CDK14: variants seen among roughly 807,000 people sequenced by gnomAD.
The protein encoded by CDK14 is cyclin dependent kinase 14, also known as cyclin-dependent kinase 14.
CDK14 carries 34 observed loss-of-function variants against 60.7 expected under a neutral mutation model. The ratio of observed to expected loss-of-function variants is 0.56; its 90% CI spans 0.43 to 0.75. The LOEUF (loss-of-function observed/expected upper bound fraction) is 0.75, where lower values mean the gene tolerates loss of function less well. CDK14 is among the 30% of genes least tolerant of loss of function. The pLI, the probability that CDK14 is intolerant of heterozygous loss-of-function variation, is 0.00. For synonymous variants in CDK14, 197 were observed against 203.7 expected (o/e 0.97, Z 0.28); for missense variants, 482 against 564.1 (o/e 0.85, Z 1.47).
intron 1 of CDK14, 80 bp from the exon 2 acceptor site, chr7:90,604,138 G>GTT: frequency 1.0e-5 from 9 of 884,116 alleles, no homozygotes; most frequent in East Asian, 6.0e-5. Context: ...ATACTGCCTT[G>GTT]TTTTTTTTTC....
intron 10 of CDK14, among the ~76,000 whole-genome samples, chr7:91,030,499 G>A (rs1017959399): frequency 2.0e-5 from 3 of 152,106 alleles, no homozygotes; most frequent in African/African-American, 7.2e-5. Flanking sequence ...CACAGAGGAG[G>A]TGGCACCTCC....
At chr7:90,909,443 C>T (rs551899344) in intron 7 of CDK14, among the ~76,000 whole-genome samples, 15 of 114,986 alleles carry the variant, frequency 1.3e-4, no homozygotes, top group African/African-American at 3.7e-4. Context: ...CCCCCACCCC[C>T]GCAACATGCT....
At chr7:90,879,127 G>A (rs1396342535) in intron 6 of CDK14, among the ~76,000 whole-genome samples, 1 of 152,172 alleles carries the variant, frequency 6.6e-6, no homozygotes, top group Non-Finnish European at 1.5e-5. Flanking sequence ...TATCCTGACT[G>A]AAGTATCCCA....
intron 14 of CDK14, among the ~76,000 whole-genome samples, chr7:91,165,719 G>C (rs1235406856): frequency 6.6e-6 from 1 of 152,182 alleles, no homozygotes; most frequent in East Asian, 1.9e-4. Flanking sequence ...TAACATTTCT[G>C]AAAGGGGAAG....
chr7:90,675,375 T>G (rs1801179061), intron 2 of CDK14, among the ~76,000 whole-genome samples: 1 of 139,870 alleles, frequency 7.1e-6, no homozygotes, highest in Non-Finnish European at 1.5e-5. Context: ...GTTTGAATGC[T>G]TTGCTTTTAA....
Position 90,995,534 on chromosome 7 carries a change from A to G in CDK14, c.1041+11293A>G, listed in dbSNP as rs528929968. Reference sequence around the variant, plus strand: ...TGTTGCACACCAATAATTACCTAATATAACTCTTTTATAGAGATATACTAA... The same window carrying G: ...TGTTGCACACCAATAATTACCTAATGTAACTCTTTTATAGAGATATACTAA... On this transcript the variant is annotated intron_variant, in intron 10 of 14. Coordinates refer to ENST00000380050, the MANE Select transcript of CDK14 (RefSeq NM_001287135.2). Among the ~76,000 whole-genome samples, 9 of 152,372 alleles carry G rather than the reference A, an allele frequency of 5.9e-5. No homozygotes were observed. In the South Asian group the frequency reaches 1.9e-3, roughly 32 times the overall value.
rs772294917 is a variant in CDK14 at position 90,984,140 on chromosome 7, C to T, written c.948-8C>T. On this transcript the variant is annotated splice_polypyrimidine_tract_variant and splice_region_variant and intron_variant, in intron 9 of 14. Transcript: ENST00000380050. ...AAGTTTTGTAACGATTCTTTCTTCT[C>T]TCTCTAGGGGAGTAGGTTGCATCTT... 1.9e-6 allele frequency: 3 copies of T among 1,574,946 alleles called. No homozygotes were observed. The highest frequency in any genetic ancestry group is 1.3e-5 in the African/African-American group (1 of 74,124).
intron 5 of CDK14, among the ~76,000 whole-genome samples, chr7:90,792,948 A>T (rs1185922499): frequency 6.6e-6 from 1 of 152,184 alleles, no homozygotes; most frequent in Non-Finnish European, 1.5e-5. Flanking sequence ...TTTAGGGGTC[A>T]ATTCAAACAT....
At chr7:90,990,797 A>G (rs1584205657) in intron 10 of CDK14, among the ~76,000 whole-genome samples, 2 of 152,212 alleles carry the variant, frequency 1.3e-5, no homozygotes, top group African/African-American at 2.4e-5. Flanking sequence ...GAGAAACTCC[A>G]ACATTTCTGT....
chr7:90,895,333 C>CTTCTT (rs1562817431), intron 6 of CDK14, among the ~76,000 whole-genome samples: 12 of 59,784 alleles, frequency 2.0e-4, no homozygotes, highest in Admixed American at 3.5e-4. Flanking sequence ...CTCCTTTCCT[C>CTTCTT]TCCTCTCCTC....
At position 90,955,750 on chromosome 7, in the gene CDK14, A is replaced by G; in HGVS notation, c.880A>G (p.Thr294Ala). 6.2e-7 allele frequency: 1 copy of G among 1,613,522 alleles called. No homozygotes were observed. Residue 294 changes from threonine to alanine, a missense_variant, in exon 9 of 15, where the codon ACC becomes GCC. Physicochemically the swap from Thr to Ala is moderately conservative, Grantham distance 58. Coordinates refer to ENST00000380050, the MANE Select transcript of CDK14 (RefSeq NM_001287135.2). ...CCACACATACTCCAACGAAGTGGTT[A>G]CCTTGTGGTACAGACCTCCAGATGT... ...PSHTYSNEVVTLWYRPPDVLL... is the reference protein window; with the variant it reads ...PSHTYSNEVVALWYRPPDVLL...
At chr7:91,168,715 A>G (rs62468534) in intron 14 of CDK14, among the ~76,000 whole-genome samples, 26 of 152,220 alleles carry the variant, frequency 1.7e-4, no homozygotes, top group Non-Finnish European at 2.9e-4. Flanking sequence ...ATCATGCTTC[A>G]TACCTCTCAA....
chr7:91,071,944 T>C (rs1798160911), intron 11 of CDK14, among the ~76,000 whole-genome samples: 1 of 152,116 alleles, frequency 6.6e-6, no homozygotes, highest in Non-Finnish European at 1.5e-5. Context: ...TCATCTTTTC[T>C]CATGGGGACG....
chr7:90,734,885 A>G (rs548018629), intron 3 of CDK14, among the ~76,000 whole-genome samples: 75 of 152,176 alleles, frequency 4.9e-4, no homozygotes, highest in African/African-American at 1.7e-3. Context: ...TTGGGAGAGA[A>G]GAGGTGTTCT....
chr7:90,931,412 G>T (rs964794482), intron 8 of CDK14, among the ~76,000 whole-genome samples: 3 of 152,194 alleles, frequency 2.0e-5, no homozygotes, highest in Admixed American at 1.3e-4. Flanking sequence ...TGGAAAGCAG[G>T]AAGACATTAA....
chr7:90,980,006 A>G (rs974941241), intron 9 of CDK14, among the ~76,000 whole-genome samples: 5 of 152,118 alleles, frequency 3.3e-5, no homozygotes, highest in African/African-American at 1.2e-4. Context: ...AAAAACTCCC[A>G]AATTATGTAA....
Position 90,701,173 on chromosome 7 carries a change from C to G in CDK14, c.124-25394C>G, listed in dbSNP as rs534724957. Among the ~76,000 whole-genome samples, 9 of 152,242 alleles carry G rather than the reference C, an allele frequency of 5.9e-5. No homozygotes were observed. The East Asian group carries it at 7.7e-4, about 13-fold the overall frequency. On this transcript the variant is annotated intron_variant, in intron 2 of 14. Coordinates refer to ENST00000380050, the MANE Select transcript of CDK14 (RefSeq NM_001287135.2). ...GTGCAACAAACCACTTTCAGTTTCA[C>G]ATTTTTTATCACATTTCTTAGCTAC...
intron 4 of CDK14, among the ~76,000 whole-genome samples, chr7:90,768,726 A>G (rs1281924607): frequency 1.3e-5 from 2 of 152,216 alleles, no homozygotes; most frequent in East Asian, 3.9e-4. Flanking sequence ...TCTCACTTAG[A>G]TTCAAAATCT....
chr7:91,121,495 C>G (rs556350735), intron 14 of CDK14, among the ~76,000 whole-genome samples: 2 of 152,230 alleles, frequency 1.3e-5, no homozygotes, highest in East Asian at 3.9e-4. Context: ...ACCTCAATGC[C>G]AAATTATTTC....
Sources: allele counts gnomAD v4.1 joint callset (sites outside exome capture counted in the v4.1 genomes callset), GRCh38; gene constraint gnomAD v4.1.1; transcripts MANE v1.5; gene names NCBI Gene and HGNC (gene_info 2026-07-23, HGNC 2026-07-21).